Variants in ARK2C observed in about 807,000 individuals in gnomAD.
The protein encoded by ARK2C is E3 ubiquitin-protein ligase ARK2C.
the ARK2C span, among the ~76,000 whole-genome samples, chr18:46,378,498 C>A: frequency 6.6e-6 from 1 of 152,192 alleles, no homozygotes; most frequent in Non-Finnish European, 1.5e-5. Flanking sequence ...AGTCACCACC[C>A]AAACTGGAAA....
the ARK2C span, chr18:46,433,118 G>C: frequency 8.2e-7 from 1 of 1,217,992 alleles, no homozygotes. Flanking sequence ...GCTGCCCCGG[G>C]TGGGCACAAG....
At chr18:46,461,983 C>T in the ARK2C span, 1 of 152,232 alleles carries the variant, frequency 6.6e-6, no homozygotes, top group East Asian at 1.9e-4. Context: ...CTATCATCAC[C>T]CAGAGTCTTC....
chr18:46,456,598 C>G, the ARK2C span: 1 of 1,614,034 alleles, frequency 6.2e-7, no homozygotes, highest in Non-Finnish European at 8.5e-7. Context: ...CCCCATCTGC[C>G]GAGTGGACAT....
At chr18:46,408,482 G>A in the ARK2C span, among the ~76,000 whole-genome samples, 1 of 152,304 alleles carries the variant, frequency 6.6e-6, no homozygotes, top group East Asian at 1.9e-4. Flanking sequence ...TCAAATTCCA[G>A]GTCTAACCCA....
chr18:46,353,909 G>A, the ARK2C span, among the ~76,000 whole-genome samples: 1 of 152,134 alleles, frequency 6.6e-6, no homozygotes, highest in African/African-American at 2.4e-5. Context: ...CATTCACCAA[G>A]ACCCAGCTCT....
the ARK2C span, chr18:46,334,058 C>T: frequency 6.5e-6 from 1 of 152,758 alleles, no homozygotes; most frequent in African/African-American, 2.4e-5. The surrounding 1 kb of genome is among the most constrained non-coding windows in gnomAD (Gnocchi z 4.4). Context: ...GCTGCGGCCC[C>T]AGCGCCTTTG....
At chr18:46,334,728 G>C in the ARK2C span, 1 of 345,472 alleles carries the variant, frequency 2.9e-6, no homozygotes, top group Non-Finnish European at 5.2e-6. The surrounding 1 kb of genome is among the most constrained non-coding windows in gnomAD (Gnocchi z 4.4). Context: ...GAGAGAGAGA[G>C]AGCGCGCGCG....
the ARK2C span, among the ~76,000 whole-genome samples, chr18:46,404,417 A>G: frequency 2.0e-5 from 3 of 152,140 alleles, no homozygotes; most frequent in East Asian, 5.8e-4. Context: ...GGGACATGCA[A>G]TGCACTCCAT....
chr18:46,390,622 C>T, the ARK2C span, among the ~76,000 whole-genome samples: 3 of 152,146 alleles, frequency 2.0e-5, no homozygotes, highest in East Asian at 1.9e-4. Flanking sequence ...GCCGTTTTCT[C>T]TTTTCTTTTC....
chr18:46,360,767 C>A, the ARK2C span, among the ~76,000 whole-genome samples: 27 of 152,252 alleles, frequency 1.8e-4, no homozygotes, highest in South Asian at 1.2e-3. Flanking sequence ...CCTGGGCACA[C>A]GAGGCGGGTA....
chr18:46,399,683 G>T, the ARK2C span, among the ~76,000 whole-genome samples: 5 of 152,162 alleles, frequency 3.3e-5, no homozygotes, highest in Non-Finnish European at 5.9e-5. Context: ...GTAGACTATA[G>T]CAATGGGAGG....
the ARK2C span, among the ~76,000 whole-genome samples, chr18:46,408,518 G>A: frequency 2.6e-4 from 40 of 152,354 alleles, no homozygotes; most frequent in African/African-American, 9.6e-4. Context: ...AGAGGGCCAT[G>A]AGGAACTTAC....
At chr18:46,440,097 G>A in the ARK2C span, among the ~76,000 whole-genome samples, 10 of 151,982 alleles carry the variant, frequency 6.6e-5, no homozygotes, top group African/African-American at 2.4e-4. Context: ...CAAAGTGCTG[G>A]GATTACAGGC....
the ARK2C span, among the ~76,000 whole-genome samples, chr18:46,401,546 A>G: frequency 6.6e-6 from 1 of 152,216 alleles, no homozygotes; most frequent in Non-Finnish European, 1.5e-5. Context: ...CCTGCTACTC[A>G]GGGCCTGGTG....
chr18:46,423,461 GGA>G, the ARK2C span, among the ~76,000 whole-genome samples: 2 of 152,178 alleles, frequency 1.3e-5, no homozygotes, highest in Non-Finnish European at 2.9e-5. Flanking sequence ...GGGGAACTCA[GGA>G]GAGAGAGAGG....
At chr18:46,411,357 G>A in the ARK2C span, among the ~76,000 whole-genome samples, 1 of 152,216 alleles carries the variant, frequency 6.6e-6, no homozygotes, top group Non-Finnish European at 1.5e-5. Flanking sequence ...TCTGTACTTG[G>A]CCTTTGCAGA....
the ARK2C span, chr18:46,450,269 C>T: frequency 6.8e-7 from 1 of 1,481,028 alleles, no homozygotes; most frequent in Non-Finnish European, 9.4e-7. Flanking sequence ...AATCCTTGCT[C>T]TATCCAAGGC....
the ARK2C span, among the ~76,000 whole-genome samples, chr18:46,436,424 C>T: frequency 2.0e-5 from 3 of 152,200 alleles, no homozygotes; most frequent in Non-Finnish European, 2.9e-5. Context: ...GTTCTTGCAA[C>T]TTTTAGGTCA....
the ARK2C span, among the ~76,000 whole-genome samples, chr18:46,397,471 G>T: frequency 7.8e-6 from 1 of 127,930 alleles, no homozygotes; most frequent in Admixed American, 7.6e-5. Context: ...TGTGTGTGTG[G>T]TCATGCTGAG....
Sources: allele counts gnomAD v4.1 joint callset (sites outside exome capture counted in the v4.1 genomes callset), GRCh38; gene constraint gnomAD v4.1.1; non-coding constraint Gnocchi (gnomAD v3.1); transcripts MANE v1.5; gene names NCBI Gene and HGNC (gene_info 2026-07-23, HGNC 2026-07-21).